FGFR1OP2: variants seen among roughly 807,000 people sequenced by gnomAD.
FGFR1OP2 encodes the protein FGFR1 oncogene partner 2.
FGFR1OP2 carries 17 observed loss-of-function variants against 35.2 expected under a neutral mutation model. That is an observed-to-expected ratio of 0.48 (90% CI 0.33 to 0.73). The LOEUF is 0.73. Among genes scored for constraint, FGFR1OP2 ranks in the 30% least tolerant of loss-of-function variants. FGFR1OP2 has a pLI of 0.02. For missense variants in FGFR1OP2, 251 were observed against 307.3 expected, an observed-to-expected ratio of 0.82 and a Z score of 1.37; for synonymous variants, 105 against 104.6, an observed-to-expected ratio of 1.00 and a Z score of -0.03.
Position 26,954,125 on chromosome 12 carries a change from G to GATTTTA in FGFR1OP2, c.-14-10_-14-5dup, listed in dbSNP as rs1223976864. ...ATATGTTGACTTTATTTTGAGTCTT[G>GATTTTA]ATTTTAATTTTAATTATAGATATAT... On this transcript the variant is annotated intron_variant, in intron 1 of 6. Transcript: ENST00000229395. 6.6e-7 allele frequency: 1 copy of GATTTTA among 1,520,736 alleles called. No individual in the cohort carries two copies. Among genetic ancestry groups the GATTTTA allele is most frequent in the Non-Finnish European group, 8.9e-7 (1 of 1,127,546 alleles). 94.2% of individuals were successfully genotyped at this position (1,520,736 alleles called of 1,614,324 possible).
In FGFR1OP2 at chr12:26,952,210, A is replaced by G. The variant is rs139730489; in HGVS notation, c.-14-1935A>G. On this transcript the variant is annotated intron_variant, in intron 1 of 6. Transcript: ENST00000229395. Reference sequence around the variant, plus strand: ...ATAGTGATGTCCATTTAACCTATTTATGTTAACTTTCTTAACAAATAAGAA... The same window carrying G: ...ATAGTGATGTCCATTTAACCTATTTGTGTTAACTTTCTTAACAAATAAGAA... 5.3e-4 allele frequency among the ~76,000 whole-genome samples: 79 copies of G among 149,864 alleles called. No individual in the cohort carries two copies. In the East Asian group the frequency reaches 6.1e-3, roughly 12 times the overall value.
chr12:26,953,137 G>A (rs142205629), intron 1 of FGFR1OP2, among the ~76,000 whole-genome samples: 3,108 of 151,876 alleles, frequency 0.02, 61 homozygotes, highest in Non-Finnish European at 0.029. Flanking sequence ...GGTGGCAGGT[G>A]CCTGTAGTCC....
intron 1 of FGFR1OP2, among the ~76,000 whole-genome samples, chr12:26,947,489 C>T (rs1017705567): frequency 6.6e-6 from 1 of 152,190 alleles, no homozygotes; most frequent in Non-Finnish European, 1.5e-5. Flanking sequence ...CCAGGGTTGA[C>T]TGCGCCCTCA....
chr12:26,954,107 G>T, intron 1 of FGFR1OP2, 38 bp from the exon 2 acceptor site: 2 of 1,417,508 alleles, frequency 1.4e-6, no homozygotes, highest in South Asian at 1.4e-5. Flanking sequence ...GAGATATGTT[G>T]ACTTTATTTT....
intron 6 of FGFR1OP2, 99 bp from the exon 7 acceptor site, chr12:26,964,497 G>A: frequency 7.3e-7 from 1 of 1,362,574 alleles, no homozygotes; most frequent in Non-Finnish European, 1.0e-6. Flanking sequence ...TTGCTTGTTT[G>A]TTATACCTTC....
chr12:26,960,864 A>T, intron 5 of FGFR1OP2: 5 of 395,164 alleles, frequency 1.3e-5, no homozygotes, highest in Non-Finnish European at 2.0e-5. Context: ...TTTATAGGTT[A>T]TTCAGTCCAA....
chr12:26,948,686 A>C (rs1435239393), intron 1 of FGFR1OP2, among the ~76,000 whole-genome samples: 2 of 152,220 alleles, frequency 1.3e-5, no homozygotes, highest in South Asian at 4.1e-4. Flanking sequence ...GGTTTCTTAG[A>C]AGGAAGCAAA....
Position 26,964,040 on chromosome 12 carries a change from C to A in FGFR1OP2, c.625-556C>A, listed in dbSNP as rs539882320. Among the ~76,000 whole-genome samples, 4 of 152,158 alleles carry A rather than the reference C, an allele frequency of 2.6e-5. No homozygotes were observed. The East Asian group carries it at 7.7e-4, about 29-fold the overall frequency. ...ATGAAAGGTTATTGTTAAATGTCTA[C>A]AAATTTTTTTACAGTAACTAACCAA... On this transcript the variant is annotated intron_variant, in intron 6 of 6. Transcript: ENST00000229395.
rs565877141 is a variant in FGFR1OP2 at position 26,939,716 on chromosome 12, T to C, written c.-15+1006T>C. Among the ~76,000 whole-genome samples, 6 of 152,360 alleles carry C rather than the reference T, an allele frequency of 3.9e-5. No individual in the cohort carries two copies. The East Asian group carries it at 9.6e-4, about 24-fold the overall frequency. Reference sequence around the variant, plus strand: ...TTTATTAGGTTGTATTATTTGTTTCTGTCTCTCCTGCCAATTTGAACCTGG... The same window carrying C: ...TTTATTAGGTTGTATTATTTGTTTCCGTCTCTCCTGCCAATTTGAACCTGG... On this transcript the variant is annotated intron_variant, in intron 1 of 6. Coordinates refer to ENST00000229395, the MANE Select transcript of FGFR1OP2 (RefSeq NM_015633.3).
At position 26,957,646 on chromosome 12, in the gene FGFR1OP2, T is replaced by C. The variant is rs761839225; in HGVS notation, c.299T>C (p.Ile100Thr). The C allele has an allele frequency of 5.8e-5, 94 of 1,613,512 alleles. 1 individual carries two copies. Among genetic ancestry groups the C allele is most frequent in the Non-Finnish European group, 7.6e-5 (90 of 1,179,716 alleles). ...GAACATCAGTCGGCCTTGGAACTTA[T>C]AATGAGCAAGTACCGAGAACAAATG... ...LEEHQSALEL[I>T]MSKYREQMFR... Residue 100 changes from isoleucine (I) to threonine (T), a missense_variant, in exon 4 of 7, where the codon ATA becomes ACA. Transcript: ENST00000229395.
intron 6 of FGFR1OP2, among the ~76,000 whole-genome samples, chr12:26,964,112 C>CTT (rs772013223): frequency 2.0e-4 from 30 of 152,210 alleles, no homozygotes; most frequent in Non-Finnish European, 4.3e-4. Flanking sequence ...GATTTGGTCA[C>CTT]TTACTTTCCT....
At chr12:26,949,415 C>T (rs1290221710) in intron 1 of FGFR1OP2, among the ~76,000 whole-genome samples, 1 of 151,070 alleles carries the variant, frequency 6.6e-6, no homozygotes, top group Non-Finnish European at 1.5e-5. Flanking sequence ...TACAGGTGTG[C>T]ACCACCACAC....
intron 1 of FGFR1OP2, among the ~76,000 whole-genome samples, chr12:26,950,210 G>GTTTTTT (rs1555211390): frequency 5.7e-4 from 17 of 29,740 alleles, no homozygotes; most frequent in South Asian, 1.4e-3. Flanking sequence ...TAATGTATTC[G>GTTTTTT]TTGTTTTTTT....
Position 26,956,663 on chromosome 12 carries a change from A to G in FGFR1OP2, c.253+3A>G, listed in dbSNP as rs768827331. 1.3e-6 allele frequency: 2 copies of G among 1,547,794 alleles called. No individual in the cohort carries two copies. The highest frequency in any genetic ancestry group is 1.8e-6 in the Non-Finnish European group (2 of 1,135,680). On this transcript the variant is annotated splice_donor_region_variant and intron_variant, in intron 3 of 6. Transcript: ENST00000229395. Reference sequence around the variant, plus strand: ...AGAGTTGCAACAAGAAAACAAAGGTAAGATACGTTACTTTTTGACATTAAT... The same window carrying G: ...AGAGTTGCAACAAGAAAACAAAGGTGAGATACGTTACTTTTTGACATTAAT...
Position 26,957,707 on chromosome 12 carries a change from G to A in FGFR1OP2, c.360G>A (p.Pro120=), listed in dbSNP as rs533480644. ...TAATGGCTAGCAAAAAAGATGATCC[G>A]GGTATAATAATGAAGTTAAAAGAGC... ...RLLMASKKDD[P]GIIMKLKEQH... is the part of the protein sequence containing the mutation. The change falls in exon 4 of 7, where the codon CCG becomes CCA. Residue 120 remains proline, a synonymous_variant. Transcript: ENST00000229395. 3.4e-5 allele frequency: 55 copies of A among 1,613,206 alleles called. No individual in the cohort carries two copies. The highest frequency in any genetic ancestry group is 4.3e-5 in the Non-Finnish European group (51 of 1,179,706).
chr12:26,959,127 A>G (rs1939066598), intron 4 of FGFR1OP2, among the ~76,000 whole-genome samples: 1 of 152,090 alleles, frequency 6.6e-6, no homozygotes, highest in Non-Finnish European at 1.5e-5. Context: ...CCTTTATTAT[A>G]TTAGAAAACC....
intron 1 of FGFR1OP2, among the ~76,000 whole-genome samples, chr12:26,950,204 G>A (rs925993159): frequency 1.2e-5 from 1 of 81,292 alleles, no homozygotes; most frequent in Non-Finnish European, 2.4e-5. Flanking sequence ...AGTAGTTAAT[G>A]TATTCGTTGT....
chr12:26,960,768 G>C (rs1027384994), intron 5 of FGFR1OP2, 140 bp downstream of exon 5: 1 of 1,314,880 alleles, frequency 7.6e-7, no homozygotes, highest in Non-Finnish European at 1.0e-6. Context: ...GTCTTTAATA[G>C]CCATGCTGTT....
At chr12:26,948,634 TC>T (rs1211822530) in intron 1 of FGFR1OP2, among the ~76,000 whole-genome samples, 1 of 152,202 alleles carries the variant, frequency 6.6e-6, no homozygotes, top group Non-Finnish European at 1.5e-5. Context: ...TGTTGGAAAC[TC>T]CTGCCTGGGG....
Sources: allele counts gnomAD v4.1 joint callset (sites outside exome capture counted in the v4.1 genomes callset), GRCh38; gene constraint gnomAD v4.1.1; transcripts MANE v1.5; gene names NCBI Gene and HGNC (gene_info 2026-07-23, HGNC 2026-07-21).